Variants in DNAAF11 observed in about 807,000 individuals in gnomAD.
The protein encoded by DNAAF11 is leucine rich repeat containing 6.
Under a neutral mutation model 60.8 loss-of-function variants are expected in DNAAF11, and 45 were observed. The observed-to-expected ratio is 0.74, with a 90% confidence interval of 0.58 to 0.95. The LOEUF is 0.95. Among genes scored for constraint, DNAAF11 ranks in the 40% least tolerant of loss-of-function variants. The pLI is 0.00. For missense variants in DNAAF11, 546 were observed against 546.2 expected (o/e 1.00, Z 0.00); for synonymous variants, 191 against 183.5 (o/e 1.04, Z -0.33).
At chr8:132,614,002 G>C (rs966132816) in intron 8 of DNAAF11, among the ~76,000 whole-genome samples, 1 of 152,062 alleles carries the variant, frequency 6.6e-6, no homozygotes, top group African/African-American at 2.4e-5. Context: ...TGTGTTTATT[G>C]AGCACCTAAC....
At chr8:132,652,116 C>G (rs757534586) in intron 3 of DNAAF11, among the ~76,000 whole-genome samples, 4 of 152,252 alleles carry the variant, frequency 2.6e-5, no homozygotes, top group Non-Finnish European at 5.9e-5. Context: ...CTAATTTCAG[C>G]TATTAGCAGA....
At chr8:132,698,916 C>T in the DNAAF11 span, among the ~76,000 whole-genome samples, 3 of 124,160 alleles carry the variant, frequency 2.4e-5, no homozygotes, top group Non-Finnish European at 4.7e-5. Context: ...GCTGTTTCTA[C>T]TTAAAATATA....
rs1035858255 is a variant in DNAAF11, at chr8:132,615,691, T to C, written c.915-594A>G. 3.3e-5 allele frequency among the ~76,000 whole-genome samples: 5 copies of C among 152,168 alleles called. 1 individual carries two copies. The highest frequency in any genetic ancestry group is 3.3e-4 in the Admixed American group (5 of 15,276). On this transcript the variant is annotated intron_variant, in intron 7 of 11. Transcript: ENST00000620350. ...TTATAATAAATGCCTTTACACTTTC[T>C]CTGCACGAGCCTGGCTAGGCAGGAT...
intron 3 of DNAAF11, among the ~76,000 whole-genome samples, chr8:132,639,893 T>C (rs1821689481): frequency 6.6e-6 from 1 of 151,792 alleles, no homozygotes; most frequent in South Asian, 2.1e-4. Context: ...TTCACATTTA[T>C]GTCTAACATA....
chr8:132,672,680 G>C (rs934583539), intron 1 of DNAAF11, among the ~76,000 whole-genome samples: 13 of 152,258 alleles, frequency 8.5e-5, no homozygotes, highest in African/African-American at 3.1e-4. Flanking sequence ...GAAACTTTCA[G>C]AACACTGACT....
At chr8:132,602,283 T>C (rs750659180) in intron 10 of DNAAF11, among the ~76,000 whole-genome samples, 8 of 152,134 alleles carry the variant, frequency 5.3e-5, no homozygotes, top group Admixed American at 6.6e-5. Flanking sequence ...TCAACATCAA[T>C]GTCACTACCA....
rs562238488 is a variant in DNAAF11, at chr8:132,600,261, C to T, written c.1140+9905G>A. Among the ~76,000 whole-genome samples the T allele has an allele frequency of 5.7e-3, 862 of 152,034 alleles. 8 individuals are homozygous for T. The highest frequency in any genetic ancestry group is 0.02 in the African/African-American group (829 of 41,474). The stretch of plus-strand genomic sequence containing the variant: ...AGGAGAACTACAAACCACTGCTCAA[C>T]AAAATAAAAGAGGACACAAACAAAT... On this transcript the variant is annotated intron_variant, in intron 10 of 11. Coordinates refer to ENST00000620350, the MANE Select transcript of DNAAF11 (RefSeq NM_012472.6).
At chr8:132,605,303 TG>T (rs1338495304) in intron 10 of DNAAF11, among the ~76,000 whole-genome samples, 1 of 152,158 alleles carries the variant, frequency 6.6e-6, no homozygotes, top group Non-Finnish European at 1.5e-5. Context: ...TTCTTCCCAC[TG>T]CCTCTAAATC....
chr8:132,645,098 A>T (rs1162601254), intron 3 of DNAAF11, among the ~76,000 whole-genome samples: 1 of 152,178 alleles, frequency 6.6e-6, no homozygotes, highest in African/African-American at 2.4e-5. Context: ...GGGCTGACTG[A>T]CACCTCATAC....
the DNAAF11 span, among the ~76,000 whole-genome samples, chr8:132,681,255 C>A: frequency 0.014 from 2,156 of 151,164 alleles, 45 homozygotes; most frequent in African/African-American, 0.05. Flanking sequence ...GGTTATCCAC[C>A]TGCCTTGGTC....
intron 10 of DNAAF11, among the ~76,000 whole-genome samples, chr8:132,609,351 A>G (rs1255493416): frequency 7.3e-6 from 1 of 136,578 alleles, no homozygotes; most frequent in Non-Finnish European, 1.5e-5. Context: ...GGGAATCAAG[A>G]AAAAAAAAAA....
chr8:132,592,372 G>C (rs1470856540), intron 10 of DNAAF11, among the ~76,000 whole-genome samples: 1 of 152,148 alleles, frequency 6.6e-6, no homozygotes, highest in Non-Finnish European at 1.5e-5. Flanking sequence ...ATTGAAAGGA[G>C]GAAAAGTGCC....
chr8:132,677,184 T>C (rs1342827213), upstream of DNAAF11, among the ~76,000 whole-genome samples: 2 of 152,202 alleles, frequency 1.3e-5, no homozygotes, highest in Admixed American at 1.3e-4. Flanking sequence ...GAAATGCTAT[T>C]AGCAGCAGGC....
chr8:132,595,339 G>A lies in DNAAF11; in HGVS notation c.1141-11560C>T, dbSNP rs1175025389. Among the ~76,000 whole-genome samples, 2 of 94,926 alleles carry A rather than the reference G, an allele frequency of 2.1e-5. 1 individual carries two copies. The allele number at this position is 94,926 out of a possible 152,430, so 62.3% of individuals were successfully genotyped here. A position where few individuals can be genotyped will look rare whatever the true frequency, so the allele number is the denominator to read the frequency against. ...TTTTTGTGTTCCCGAAAGAGAGAGA[G>A]ACAGAGGGGAAAAAAAAAAAAAAAA... On this transcript the variant is annotated intron_variant, in intron 10 of 11. Coordinates refer to ENST00000620350, the MANE Select transcript of DNAAF11 (RefSeq NM_012472.6).
intron 10 of DNAAF11, among the ~76,000 whole-genome samples, chr8:132,593,359 A>ATATATATATT (rs1427637816): frequency 5.5e-5 from 8 of 145,042 alleles, no homozygotes; most frequent in Admixed American, 6.9e-5. Context: ...ATATATATAT[A>ATATATATATT]TATTTATATG....
intron 2 of DNAAF11, among the ~76,000 whole-genome samples, chr8:132,658,899 A>G (rs1199866295): frequency 6.6e-6 from 1 of 152,206 alleles, no homozygotes; most frequent in African/African-American, 2.4e-5. Flanking sequence ...CTGTAAGTCA[A>G]AATGGAAGAG....
At chr8:132,701,712 C>A in the DNAAF11 span, among the ~76,000 whole-genome samples, 1 of 152,234 alleles carries the variant, frequency 6.6e-6, no homozygotes, top group East Asian at 1.9e-4. Context: ...GGCCATCTTG[C>A]CCCCAGGTTG....
intron 2 of DNAAF11, among the ~76,000 whole-genome samples, chr8:132,660,894 C>T (rs112398422): frequency 1.2e-4 from 19 of 152,288 alleles, no homozygotes; most frequent in African/African-American, 4.1e-4. Context: ...TGCAAGTCTA[C>T]GCCACTTTCT....
At chr8:132,692,184 T>A in the DNAAF11 span, among the ~76,000 whole-genome samples, 17 of 151,046 alleles carry the variant, frequency 1.1e-4, no homozygotes, top group Non-Finnish European at 2.2e-4. Flanking sequence ...AAGTAGTGAC[T>A]GTTGTATAAA....
Sources: gnomAD v4.1 joint callset for allele counts (sites outside exome capture counted in the v4.1 genomes callset) on GRCh38, gnomAD v4.1.1 for gene constraint, MANE v1.5 for transcripts, NCBI Gene and HGNC (gene_info 2026-07-23, HGNC 2026-07-21) for gene names.